Variants in TSC1 observed in about 807,000 individuals in gnomAD.
TSC1 encodes the protein TSC complex subunit 1.
A neutral mutation model predicts 124.3 loss-of-function variants in TSC1; 20 were observed. The ratio of observed to expected loss-of-function variants is 0.16; its 90% confidence interval spans 0.11 to 0.23. The LOEUF (loss-of-function observed/expected upper bound fraction) is 0.23. Ranked by LOEUF, TSC1 falls within the 10% of genes least tolerant of loss-of-function variation. The pLI is 1.00. For synonymous variants in TSC1, 493 were observed against 539.1 expected, an observed-to-expected ratio of 0.91 and a Z score of 1.19; for missense variants, 1,124 against 1,448.5, an observed-to-expected ratio of 0.78 and a Z score of 3.64.
rs145138936 is a variant in TSC1, at chr9:132,898,021, ACAAT to A, written c.2626-415_2626-412del. Reference sequence around the variant, plus strand: ...CAGACTACAAGACTGTGTGAATAGTACAATCAACTATGCGAACATATACATATAC... The same window carrying A: ...CAGACTACAAGACTGTGTGAATAGTACAACTATGCGAACATATACATATAC... On this transcript the variant is annotated intron_variant, in intron 20 of 22. Transcript: ENST00000298552. 3.9e-3 allele frequency among the ~76,000 whole-genome samples: 599 copies of A among 152,390 alleles called. 1 individual carries two copies. The highest frequency in any genetic ancestry group is 0.011 in the African/African-American group (462 of 41,600).
chr9:132,912,766 CA>C (rs946626173), intron 8 of TSC1: 6 of 373,998 alleles, frequency 1.6e-5, no homozygotes, highest in African/African-American at 1.3e-4. Context: ...GAGCAGCAGG[CA>C]GGGAAAAATG....
In TSC1 at chr9:132,896,082, C is replaced by T; in HGVS notation, c.*153G>A. 1 of 1,158,108 alleles carries T rather than the reference C, an allele frequency of 8.6e-7. No individual in the cohort carries two copies. Among genetic ancestry groups the T allele is most frequent in the Non-Finnish European group, 1.3e-6 (1 of 789,498 alleles). 71.7% of individuals were successfully genotyped at this position (1,158,108 alleles called of 1,614,324 possible). ...TTCAATGCCAGATCCAAAAACCGTT[C>T]TGCATTCAGTCAGCTGTCCAAAGGA... On this transcript the variant is annotated 3_prime_UTR_variant, in exon 23 of 23. Coordinates refer to ENST00000298552, the MANE Select transcript of TSC1 (RefSeq NM_000368.5). This position sits in a 1 kb window ranked among gnomAD's most constrained non-coding sequence, Gnocchi z 4.5.
rs997267483 is a variant in TSC1, at chr9:132,902,496, G to A, written c.2391+109C>T. ...ATGATTTCAGAGAGAAAAGCATTCA[G>A]CTTAGTAAAGCTGAACAAGTCAAGG... On this transcript the variant is annotated intron_variant, in intron 18 of 22. Coordinates refer to ENST00000298552, the MANE Select transcript of TSC1 (RefSeq NM_000368.5). The surrounding 1 kb of genome is among the most constrained non-coding windows in gnomAD (Gnocchi z 5.2). The A allele has an allele frequency of 7.5e-7, 1 of 1,332,700 alleles. No individual in the cohort carries two copies. The highest frequency in any genetic ancestry group is 1.4e-5 in the African/African-American group (1 of 69,424). 82.6% of individuals were successfully genotyped at this position (1,332,700 alleles called of 1,614,324 possible). A position where few individuals can be genotyped will look rare whatever the true frequency, so the allele number is the denominator to read the frequency against.
chr9:132,900,539 C>T, intron 20 of TSC1, 176 bp downstream of exon 20: 1 of 1,015,360 alleles, frequency 9.8e-7, no homozygotes, highest in South Asian at 1.4e-5. Flanking sequence ...ATAGGAGAAA[C>T]AAGCTCACAT....
chr9:132,933,666 C>T (rs183877626), intron 2 of TSC1, among the ~76,000 whole-genome samples: 1 of 152,270 alleles, frequency 6.6e-6, no homozygotes, highest in Admixed American at 6.5e-5. Context: ...GACATAGTGA[C>T]CACAGGAGTA....
intron 20 of TSC1, among the ~76,000 whole-genome samples, chr9:132,898,285 A>T (rs542030130): frequency 4.2e-4 from 64 of 152,350 alleles, no homozygotes; most frequent in African/African-American, 1.5e-3. Flanking sequence ...GACAGATTGG[A>T]ACAGCTTGAA....
rs11364856 is a variant in TSC1, at chr9:132,911,625, TAAAAAAAAAAAAAA to T, written c.914-71_914-58del. 56 of 169,158 alleles carry T rather than the reference TAAAAAAAAAAAAAA, an allele frequency of 3.3e-4. 1 individual carries two copies. Among genetic ancestry groups the T allele is most frequent in the Middle Eastern group, 2.1e-3 (1 of 478 alleles). The allele number at this position is 169,158 out of a possible 1,614,324, so 10.5% of individuals were successfully genotyped here. A position where few individuals can be genotyped will look rare whatever the true frequency, so the allele number is the denominator to read the frequency against. The stretch of plus-strand genomic sequence containing the variant: ...GTGTGTGGTTTTAGGTTATTCTGGT[TAAAAAAAAAAAAAA>T]AAAAAAAAAAAAAAAAAGATGGTCC... On this transcript the variant is annotated intron_variant, in intron 9 of 22. Coordinates refer to ENST00000298552, the MANE Select transcript of TSC1 (RefSeq NM_000368.5).
intron 4 of TSC1, chr9:132,926,445 A>G (rs1012526275): frequency 1.9e-5 from 3 of 154,778 alleles, no homozygotes; most frequent in East Asian, 1.9e-4. Flanking sequence ...TGCAATAACA[A>G]TGCTTTATTA....
In TSC1 at chr9:132,908,901, C is replaced by CTTTTT. The variant is rs35234317; in HGVS notation, c.1264-1536_1264-1532dup. 3.2e-4 allele frequency among the ~76,000 whole-genome samples: 39 copies of CTTTTT among 121,528 alleles called. 2 individuals are homozygous for CTTTTT. The East Asian group carries it at 4.9e-3, about 15-fold the overall frequency. The allele number at this position is 121,528 out of a possible 152,430, so 79.7% of individuals were successfully genotyped here. A position where few individuals can be genotyped will look rare whatever the true frequency, so the allele number is the denominator to read the frequency against. On this transcript the variant is annotated intron_variant, in intron 12 of 22. Transcript: ENST00000298552. Reference sequence around the variant, plus strand: ...TTAAAACCCACTAGTCTACCTTGCACTTTTTTTTTTTTTTTTTGTGACAGT... The same window carrying CTTTTT: ...TTAAAACCCACTAGTCTACCTTGCACTTTTTTTTTTTTTTTTTTTTTTGTGACAGT...
chr9:132,905,656 G>A lies in TSC1; in HGVS notation c.1922C>T (p.Pro641Leu), dbSNP rs397514863. Residue 641 changes from proline to leucine, a missense_variant, in exon 15 of 23, where the codon CCC (proline) becomes CTC (leucine). Transcript: ENST00000298552. Reference sequence around the variant, plus strand: ...CAGCACTTCCATTGGGGAGGTAGAGGGCACACCATCTTCCTCTGTGTTTCC... The same window carrying A: ...CAGCACTTCCATTGGGGAGGTAGAGAGCACACCATCTTCCTCTGTGTTTCC... Reference protein sequence around the residue: ...AKGNTEEDGVPSTSPMEVLDR... With the variant: ...AKGNTEEDGVLSTSPMEVLDR... 6.2e-7 allele frequency: 1 copy of A among 1,614,176 alleles called. No homozygotes were observed. The highest frequency in any genetic ancestry group is 2.2e-5 in the East Asian group (1 of 44,880).
At chr9:132,912,648 T>C (rs1286632406) in intron 8 of TSC1, 191 bp from the exon 9 acceptor site, 11 of 629,288 alleles carry the variant, frequency 1.7e-5, no homozygotes, top group Non-Finnish European at 2.8e-5. Flanking sequence ...ACCTTCCCTG[T>C]TTAAAATGGT....
intron 1 of TSC1, among the ~76,000 whole-genome samples, chr9:132,935,384 T>C (rs1847406538): frequency 6.6e-6 from 1 of 152,236 alleles, no homozygotes; most frequent in Non-Finnish European, 1.5e-5. Flanking sequence ...GCCCTAGAAT[T>C]AGAGAGTTCC....
chr9:132,928,004 A>G (rs1312529697), intron 3 of TSC1, among the ~76,000 whole-genome samples: 1 of 152,164 alleles, frequency 6.6e-6, no homozygotes, highest in Non-Finnish European at 1.5e-5. Flanking sequence ...CTACTTGTAT[A>G]ACCACACGCA....
chr9:132,896,296 G>A lies in TSC1; in HGVS notation c.3434C>T (p.Pro1145Leu), dbSNP rs767904247. 5.6e-6 allele frequency: 9 copies of A among 1,614,178 alleles called. No homozygotes were observed. The highest frequency in any genetic ancestry group is 1.6e-4 in the Middle Eastern group (1 of 6,062). The change falls in exon 23 of 23, where the codon CCG becomes CTG. Residue 1145 changes from proline to leucine, a missense_variant. Pro to Leu is a moderately conservative substitution (Grantham distance 98). Coordinates refer to ENST00000298552, the MANE Select transcript of TSC1 (RefSeq NM_000368.5). The surrounding 1 kb of genome is among the most constrained non-coding windows in gnomAD (Gnocchi z 4.5). The stretch of plus-strand genomic sequence containing the variant: ...GATATGTAGCTGTCCAACACTGTCC[G>A]GGGTCGGGGGAGACGGGTGAGGGCC... ...LDGPHPSPPT[P>L]DSVGQLHIMD... is the part of the protein sequence containing the mutation.
At chr9:132,931,429 T>C (rs542595901) in intron 2 of TSC1, 3 of 152,324 alleles carry the variant, frequency 2.0e-5, no homozygotes, top group African/African-American at 7.2e-5. Context: ...GGTTTTATTC[T>C]AAAACACATT....
intron 1 of TSC1, among the ~76,000 whole-genome samples, chr9:132,935,487 G>A (rs192377526): frequency 6.6e-6 from 1 of 152,348 alleles, no homozygotes; most frequent in Admixed American, 6.5e-5. Context: ...TACCTCGTCT[G>A]TAAAGTTAGA....
rs1846695046 is a variant in TSC1, at chr9:132,923,693, T to C, written c.364-201A>G. The C allele has an allele frequency of 1.4e-6, 1 of 702,060 alleles. No individual in the cohort carries two copies. The highest frequency in any genetic ancestry group is 2.4e-5 in the Admixed American group (1 of 41,762). The allele number at this position is 702,060 out of a possible 1,614,324, so 43.5% of individuals were successfully genotyped here. ...ACAGAACACTGAGCCCCAACTCTAC[T>C]GTAATGAGTCAGTGAGGACCATTTA... On this transcript the variant is annotated intron_variant, in intron 5 of 22. Coordinates refer to ENST00000298552, the MANE Select transcript of TSC1 (RefSeq NM_000368.5). This position sits in a 1 kb window ranked among gnomAD's most constrained non-coding sequence, Gnocchi z 4.2.
In TSC1 at chr9:132,896,312, G is replaced by A. The variant is rs2131588755; in HGVS notation, c.3418C>T (p.Pro1140Ser). 1 of 1,614,182 alleles carries A rather than the reference G, an allele frequency of 6.2e-7. No homozygotes were observed. Among genetic ancestry groups the A allele is most frequent in the East Asian group, 2.2e-5 (1 of 44,874 alleles). ...ACACTGTCCGGGGTCGGGGGAGACG[G>A]GTGAGGGCCATCTAGGTTCAGGGGA... ...KIPLNLDGPH[P>S]SPPTPDSVGQ... The change falls in exon 23 of 23, where the codon CCG becomes TCG. Residue 1140 changes from proline (P) to serine (S), a missense_variant. This residue lies in a region of TSC1 where 325 missense variants were observed against 383.4 expected (regional missense o/e 0.85). Transcript: ENST00000298552. The surrounding 1 kb of genome is among the most constrained non-coding windows in gnomAD (Gnocchi z 4.5).
At chr9:132,897,150 GT>G in intron 22 of TSC1, 33 bp downstream of exon 22, 1 of 1,613,476 alleles carries the variant, frequency 6.2e-7, no homozygotes, top group Non-Finnish European at 8.5e-7. Context: ...TGGCAGCTTA[GT>G]CCCAAGGTCA....
Sources: gnomAD v4.1 joint callset for allele counts (sites outside exome capture counted in the v4.1 genomes callset) on GRCh38, gnomAD v4.1.1 for gene constraint, gnomAD v4.1.1 regional missense constraint, Gnocchi (gnomAD v3.1) non-coding constraint, MANE v1.5 for transcripts, NCBI Gene and HGNC (gene_info 2026-07-23, HGNC 2026-07-21) for gene names.